MAP2K6: variants seen among roughly 807,000 people sequenced by gnomAD.
MAP2K6 encodes mitogen-activated protein kinase kinase 6, also known as dual specificity mitogen-activated protein kinase kinase 6.
Under a neutral mutation model 53.7 loss-of-function variants are expected in MAP2K6, and 16 were observed. That is an observed-to-expected ratio of 0.30 (90% CI 0.20 to 0.45). MAP2K6 has a LOEUF of 0.45. Among genes scored for constraint, MAP2K6 ranks in the 20% least tolerant of loss-of-function variants. The pLI, the probability that MAP2K6 is intolerant of heterozygous loss-of-function variation, is 1.00. For synonymous variants in MAP2K6, 132 were observed against 143.1 expected (o/e 0.92, Z 0.55); for missense variants, 204 against 411.9 (o/e 0.50, Z 4.37).
At chr17:69,523,701 A>T in intron 8 of MAP2K6, 60 bp downstream of exon 8, 1 of 1,594,518 alleles carries the variant, frequency 6.3e-7, no homozygotes, top group Non-Finnish European at 8.6e-7. Context: ...CATGCTGGGA[A>T]ACAAGAAATG....
rs564416752 is a variant in MAP2K6, at chr17:69,553,764, A to C, written c.*12011A>C. On this transcript the variant is annotated 3_prime_UTR_variant, in exon 12 of 12. Coordinates refer to ENST00000590474, the MANE Select transcript of MAP2K6 (RefSeq NM_002758.4). ...TTGCTATGGCTTTCATAGCTGGGACAAGTAACATTAAGTATTCAGGAGCAA... is the reference window on the plus strand; with the variant it reads ...TTGCTATGGCTTTCATAGCTGGGACCAGTAACATTAAGTATTCAGGAGCAA... 6.6e-6 allele frequency: 1 copy of C among 152,366 alleles called. No individual in the cohort carries two copies. Among genetic ancestry groups the C allele is most frequent in the Non-Finnish European group, 1.5e-5 (1 of 68,036 alleles). 9.4% of individuals were successfully genotyped at this position (152,366 alleles called of 1,614,324 possible).
Position 69,526,647 on chromosome 17 carries a change from G to C in MAP2K6, c.819G>C (p.Glu273Asp), listed in dbSNP as rs74734606. ...AGCAGCTCAAACAGGTGGTAGAGGA[G>C]CCATCGCCACAACTCCCAGCAGACA... Reference protein sequence around the residue: ...PFQQLKQVVEEPSPQLPADKF... With the variant: ...PFQQLKQVVEDPSPQLPADKF... Residue 273 changes from glutamate (E) to aspartate (D), a missense_variant, in exon 10 of 12, where the codon GAG becomes GAC. Physicochemically the swap from Glu to Asp is conservative, Grantham distance 45. Around this residue, in one of 3 missense-constraint regions of MAP2K6, gnomAD observed 28 missense variants for 102.5 expected, o/e 0.27. Coordinates refer to ENST00000590474, the MANE Select transcript of MAP2K6 (RefSeq NM_002758.4). 6.2e-7 allele frequency: 1 copy of C among 1,614,036 alleles called. No individual in the cohort carries two copies. Among genetic ancestry groups the C allele is most frequent in the Non-Finnish European group, 8.5e-7 (1 of 1,180,018 alleles).
intron 1 of MAP2K6, among the ~76,000 whole-genome samples, chr17:69,472,349 G>T (rs1039248436): frequency 6.6e-6 from 1 of 152,110 alleles, no homozygotes; most frequent in Non-Finnish European, 1.5e-5. Flanking sequence ...TAGTGCAGTA[G>T]GTCCTTGAAT....
rs1212918535 is a variant in MAP2K6 at position 69,549,990 on chromosome 17, G to A, written c.*8237G>A. On this transcript the variant is annotated 3_prime_UTR_variant, in exon 12 of 12. Transcript: ENST00000590474. ...ATTAAAAAAAAAAGCTGGCAGACAA[G>A]TATATCTTTTAATTTATTTGCAGTG... 1 of 151,986 alleles carries A rather than the reference G, an allele frequency of 6.6e-6. No homozygotes were observed. The highest frequency in any genetic ancestry group is 1.5e-5 in the Non-Finnish European group (1 of 67,984). The allele number at this position is 151,986 out of a possible 1,614,324, so 9.4% of individuals were successfully genotyped here.
Position 69,536,102 on chromosome 17 carries a change from T to C in MAP2K6, c.882-13T>C, listed in dbSNP as rs750462605. The C allele has an allele frequency of 6.4e-7, 1 of 1,572,264 alleles. No homozygotes were observed. The highest frequency in any genetic ancestry group is 2.2e-5 in the East Asian group (1 of 44,544). On this transcript the variant is annotated splice_polypyrimidine_tract_variant and intron_variant, in intron 10 of 11. Transcript: ENST00000590474. ...GGCTTCTAGATTTTAATGATTATTT[T>C]TTTTTCTTTAAGCTTAAAGAAGAAT...
chr17:69,477,835 G>A (rs1206184171), intron 1 of MAP2K6, among the ~76,000 whole-genome samples: 3 of 152,220 alleles, frequency 2.0e-5, no homozygotes, highest in Admixed American at 6.5e-5. Flanking sequence ...ACTATGCAAA[G>A]CAGCAGATGC....
Position 69,461,990 on chromosome 17 carries a change from T to G in MAP2K6, c.17-43790T>G, listed in dbSNP as rs577204126. Among the ~76,000 whole-genome samples, 3 of 152,300 alleles carry G rather than the reference T, an allele frequency of 2.0e-5. No homozygotes were observed. In the East Asian group the frequency reaches 5.8e-4, roughly 29 times the overall value. ...TTAGTCAGAATTTATGTGTAGAAAT[T>G]CGCAAGGAGGCAGTTTGGAAAGGAA... On this transcript the variant is annotated intron_variant, in intron 1 of 11. Transcript: ENST00000590474.
chr17:69,506,951 C>T (rs1346581008), intron 2 of MAP2K6, among the ~76,000 whole-genome samples: 6 of 147,182 alleles, frequency 4.1e-5, no homozygotes, highest in African/African-American at 1.5e-4. Flanking sequence ...TTTTCTTTTT[C>T]TCTTTTTTTT....
intron 1 of MAP2K6, among the ~76,000 whole-genome samples, chr17:69,436,952 G>A (rs1284173855): frequency 6.6e-6 from 1 of 151,956 alleles, no homozygotes; most frequent in African/African-American, 2.4e-5. Context: ...AGCCTCCCAA[G>A]TAGCTGGGAC....
chr17:69,436,803 T>C (rs1439438045), intron 1 of MAP2K6, among the ~76,000 whole-genome samples: 1 of 151,982 alleles, frequency 6.6e-6, no homozygotes, highest in Non-Finnish European at 1.5e-5. Context: ...CTCTTTCTTC[T>C]TTTTTTCTTT....
chr17:69,437,321 T>C (rs931092191), intron 1 of MAP2K6, among the ~76,000 whole-genome samples: 1 of 152,170 alleles, frequency 6.6e-6, no homozygotes, highest in Non-Finnish European at 1.5e-5. Context: ...AAAATATATT[T>C]ACTAAGCGGA....
chr17:69,526,835 C>T, intron 10 of MAP2K6, 126 bp downstream of exon 10: 1 of 1,141,464 alleles, frequency 8.8e-7, no homozygotes, highest in Non-Finnish European at 1.2e-6. Context: ...AGTATGCCCT[C>T]TCTGCTGGAG....
intron 1 of MAP2K6, among the ~76,000 whole-genome samples, chr17:69,501,915 C>CTTT (rs1909190694): frequency 7.5e-6 from 1 of 133,458 alleles, no homozygotes; most frequent in Admixed American, 8.0e-5. Flanking sequence ...TGCTCCCTCC[C>CTTT]ATGTTTTTTT....
intron 1 of MAP2K6, among the ~76,000 whole-genome samples, chr17:69,424,957 T>A (rs1598254957): frequency 6.6e-6 from 1 of 152,212 alleles, no homozygotes; most frequent in African/African-American, 2.4e-5. Flanking sequence ...GTAACAAATA[T>A]TGCTTCCATT....
chr17:69,500,762 A>AT (rs1400265750), intron 1 of MAP2K6, among the ~76,000 whole-genome samples: 2 of 149,946 alleles, frequency 1.3e-5, no homozygotes, highest in Non-Finnish European at 2.9e-5. Flanking sequence ...TCTCAAAAAA[A>AT]AAAGAAAAAA....
intron 1 of MAP2K6, chr17:69,485,605 T>C (rs959097533): frequency 4.5e-5 from 9 of 200,208 alleles, no homozygotes; most frequent in Middle Eastern, 2.5e-3. Context: ...CACCCTGTTA[T>C]ACATCTATAC....
chr17:69,534,161 T>G (rs1330819658), intron 10 of MAP2K6, among the ~76,000 whole-genome samples: 1 of 152,094 alleles, frequency 6.6e-6, no homozygotes, highest in Non-Finnish European at 1.5e-5. Flanking sequence ...CCTCCTGACA[T>G]TTTCCATATA....
At chr17:69,520,117 C>G (rs1910386473) in intron 5 of MAP2K6, 153 bp from the exon 6 acceptor site, 2 of 574,334 alleles carry the variant, frequency 3.5e-6, no homozygotes, top group African/African-American at 3.8e-5. Flanking sequence ...TTGTAAATTC[C>G]TTTATGATCT....
chr17:69,531,368 G>A (rs1289275595), intron 10 of MAP2K6, among the ~76,000 whole-genome samples: 1 of 151,986 alleles, frequency 6.6e-6, no homozygotes, highest in Non-Finnish European at 1.5e-5. Context: ...ACCTGCCTAG[G>A]TATCATACCC....
Sources: allele counts gnomAD v4.1 joint callset (sites outside exome capture counted in the v4.1 genomes callset), GRCh38; gene constraint gnomAD v4.1.1; regional missense constraint gnomAD v4.1.1; transcripts MANE v1.5; gene names NCBI Gene and HGNC (gene_info 2026-07-23, HGNC 2026-07-21).